NALF1: variants seen among roughly 807,000 people sequenced by gnomAD.
The protein encoded by NALF1 is NALCN channel auxiliary factor 1.
NALF1 carries 3 observed loss-of-function variants against 48.4 expected under a neutral mutation model. That is an observed-to-expected ratio of 0.06 (90% CI 0.03 to 0.16). The LOEUF is 0.16. Ranked by LOEUF, NALF1 falls within the 10% of genes least tolerant of loss-of-function variation. NALF1 has a pLI of 1.00. For synonymous variants in NALF1, 262 were observed against 245.7 expected, an observed-to-expected ratio of 1.07 and a Z score of -0.62; for missense variants, 526 against 571.5, an observed-to-expected ratio of 0.92 and a Z score of 0.81.
chr13:107,452,758 T>C (rs923205437), intron 1 of NALF1, among the ~76,000 whole-genome samples: 4 of 152,184 alleles, frequency 2.6e-5, no homozygotes, highest in Non-Finnish European at 5.9e-5. Flanking sequence ...TTAAAGTCTC[T>C]TCTGAGACCA....
chr13:107,775,676 T>A (rs1199350402), intron 1 of NALF1, among the ~76,000 whole-genome samples: 1 of 151,790 alleles, frequency 6.6e-6, no homozygotes, highest in Non-Finnish European at 1.5e-5. Flanking sequence ...CCACCAACAG[T>A]GTAAAAGTGT....
chr13:107,491,165 T>C (rs938096372), intron 1 of NALF1, among the ~76,000 whole-genome samples: 1 of 152,192 alleles, frequency 6.6e-6, no homozygotes. Flanking sequence ...CTAGTTGAGA[T>C]GGAACCAACT....
At chr13:107,505,193 G>A (rs574446875) in intron 1 of NALF1, among the ~76,000 whole-genome samples, 19 of 152,306 alleles carry the variant, frequency 1.2e-4, no homozygotes, top group African/African-American at 4.3e-4. Context: ...GTGGAAGGAT[G>A]TTCCTAGCAG....
chr13:107,482,428 T>TC (rs140945163), intron 1 of NALF1, among the ~76,000 whole-genome samples: 2,013 of 152,238 alleles, frequency 0.013, 53 homozygotes, highest in African/African-American at 0.046. Flanking sequence ...AGGATGTTAC[T>TC]CCTCAATGAA....
intron 1 of NALF1, among the ~76,000 whole-genome samples, chr13:107,836,438 A>T (rs966282225): frequency 9.9e-5 from 15 of 152,190 alleles, no homozygotes; most frequent in African/African-American, 3.6e-4. Context: ...ATCGTTAAAC[A>T]TTAACATTCT....
intron 1 of NALF1, among the ~76,000 whole-genome samples, chr13:107,816,922 C>G (rs1383583534): frequency 1.3e-5 from 2 of 152,158 alleles, no homozygotes; most frequent in Admixed American, 6.5e-5. Context: ...AGTAGCACTT[C>G]CAACTTCATT....
intron 1 of NALF1, among the ~76,000 whole-genome samples, chr13:107,361,821 C>T (rs1883065557): frequency 6.6e-6 from 1 of 152,172 alleles, no homozygotes; most frequent in African/African-American, 2.4e-5. Context: ...ATGGTCAGCT[C>T]TTCGCTGGTC....
At chr13:107,345,335 C>A (rs1438411106) in intron 1 of NALF1, among the ~76,000 whole-genome samples, 1 of 151,940 alleles carries the variant, frequency 6.6e-6, no homozygotes, top group South Asian at 2.1e-4. Flanking sequence ...CTGGAAGGAC[C>A]CTGAATGGCC....
At chr13:107,374,812 T>C (rs1321089316) in intron 1 of NALF1, among the ~76,000 whole-genome samples, 2 of 152,106 alleles carry the variant, frequency 1.3e-5, no homozygotes, top group South Asian at 2.1e-4. Context: ...TCACTCTCTC[T>C]CCCATGTTAT....
chr13:107,172,494 A>G (rs542310292), intron 2 of NALF1, among the ~76,000 whole-genome samples: 1 of 152,350 alleles, frequency 6.6e-6, no homozygotes, highest in Admixed American at 6.5e-5. Flanking sequence ...TTTCTTTTAA[A>G]GAAATGAACA....
At chr13:107,681,852 A>G (rs907612347) in intron 1 of NALF1, among the ~76,000 whole-genome samples, 1 of 152,122 alleles carries the variant, frequency 6.6e-6, no homozygotes, top group Non-Finnish European at 1.5e-5. Context: ...GAAGCAGCAA[A>G]AGAGAGCAAG....
intron 1 of NALF1, among the ~76,000 whole-genome samples, chr13:107,837,479 G>A (rs1879928516): frequency 6.6e-6 from 1 of 152,070 alleles, no homozygotes; most frequent in Non-Finnish European, 1.5e-5. Context: ...CCCACTATCA[G>A]ATGAACTGCT....
chr13:107,689,026 T>C (rs1341202201), intron 1 of NALF1, among the ~76,000 whole-genome samples: 1 of 151,824 alleles, frequency 6.6e-6, no homozygotes, highest in African/African-American at 2.4e-5. Flanking sequence ...GCTCCAGGAG[T>C]TTAGGATTCT....
chr13:107,365,820 G>A (rs1883142711), intron 1 of NALF1, among the ~76,000 whole-genome samples: 1 of 152,096 alleles, frequency 6.6e-6, no homozygotes, highest in Non-Finnish European at 1.5e-5. Flanking sequence ...CCCTCAAACT[G>A]CACTAAAATA....
Position 107,368,512 on chromosome 13 carries a change from C to T in NALF1, c.916-157757G>A, listed in dbSNP as rs1446125024. ...AGTACCATCAGCAGGGCCACGCTTG[C>T]TCCAGAGACTCTGGGGGCAATTCCA... On this transcript the variant is annotated intron_variant, in intron 1 of 2. Coordinates refer to ENST00000375915, the MANE Select transcript of NALF1 (RefSeq NM_001080396.3). Among the ~76,000 whole-genome samples the T allele has an allele frequency of 2.6e-5, 4 of 152,238 alleles. No homozygotes were observed. In the East Asian group the frequency reaches 5.8e-4, roughly 22 times the overall value.
chr13:107,606,432 C>T (rs1594156515), intron 1 of NALF1, among the ~76,000 whole-genome samples: 1 of 151,970 alleles, frequency 6.6e-6, no homozygotes, highest in East Asian at 1.9e-4. Flanking sequence ...GTGGTGCAAT[C>T]TCTGCTCACT....
chr13:107,209,600 C>T (rs995567107), intron 2 of NALF1, among the ~76,000 whole-genome samples: 2 of 151,992 alleles, frequency 1.3e-5, no homozygotes, highest in South Asian at 2.1e-4. Context: ...CTAATGAATA[C>T]GTATGTAAAT....
At chr13:107,602,881 T>C (rs1566410806) in intron 1 of NALF1, among the ~76,000 whole-genome samples, 2 of 152,204 alleles carry the variant, frequency 1.3e-5, no homozygotes, top group African/African-American at 2.4e-5. Flanking sequence ...CATATATGTA[T>C]ATTTAAAATT....
chr13:107,773,195 T>C (rs1205871669), intron 1 of NALF1, among the ~76,000 whole-genome samples: 2 of 152,216 alleles, frequency 1.3e-5, no homozygotes, highest in Non-Finnish European at 2.9e-5. Flanking sequence ...ATTCAGAGTC[T>C]GACATATTTT....
Sources: gnomAD v4.1 joint callset for allele counts (sites outside exome capture counted in the v4.1 genomes callset) on GRCh38, gnomAD v4.1.1 for gene constraint, MANE v1.5 for transcripts, NCBI Gene and HGNC (gene_info 2026-07-23, HGNC 2026-07-21) for gene names.